Variants in MARCHF8 observed in about 807,000 individuals in gnomAD.
MARCHF8 encodes E3 ubiquitin-protein ligase MARCHF8.
Under a neutral mutation model 51.6 loss-of-function variants are expected in MARCHF8, and 40 were observed. The observed-to-expected ratio is 0.77, with a 90% CI of 0.60 to 1.01. The LOEUF is 1.01. MARCHF8 is among the 50% of genes least tolerant of loss of function. The pLI is 0.00. For missense variants in MARCHF8, 685 were observed against 708.6 expected (o/e 0.97, Z 0.38); for synonymous variants, 263 against 280.3 (o/e 0.94, Z 0.62).
chr10:45,519,412 G>A (rs2043671278), intron 2 of MARCHF8, among the ~76,000 whole-genome samples: 1 of 151,254 alleles, frequency 6.6e-6, no homozygotes, highest in Non-Finnish European at 1.5e-5. Flanking sequence ...GAAGGTTTGG[G>A]AAGTCAGTAA....
intron 1 of MARCHF8, among the ~76,000 whole-genome samples, chr10:45,592,465 G>T (rs920332482): frequency 1.3e-5 from 2 of 152,000 alleles, no homozygotes; most frequent in Admixed American, 1.3e-4. Context: ...TGTCTTTTAC[G>T]GGGGGGAAAA....
chr10:45,503,275 C>T (rs891610381), intron 2 of MARCHF8, among the ~76,000 whole-genome samples: 2 of 152,172 alleles, frequency 1.3e-5, no homozygotes, highest in African/African-American at 4.8e-5. Flanking sequence ...CGGTGGCTCA[C>T]ACCTGTAATC....
chr10:45,563,823 T>A (rs1021054902), intron 1 of MARCHF8, among the ~76,000 whole-genome samples: 2 of 152,074 alleles, frequency 1.3e-5, no homozygotes, highest in African/African-American at 2.4e-5. Context: ...GCACAAAAAG[T>A]TTAAAGTGAG....
intron 1 of MARCHF8, among the ~76,000 whole-genome samples, chr10:45,549,103 G>GA (rs1256970234): frequency 2.0e-5 from 3 of 152,206 alleles, no homozygotes; most frequent in Non-Finnish European, 4.4e-5. Context: ...TATAGATAAC[G>GA]AAAGGGGGAT....
At chr10:45,550,685 G>A (rs1001952654) in intron 1 of MARCHF8, among the ~76,000 whole-genome samples, 1 of 151,642 alleles carries the variant, frequency 6.6e-6, no homozygotes, top group Non-Finnish European at 1.5e-5. Context: ...TACATGCCAT[G>A]TACAACCTTA....
intron 3 of MARCHF8, among the ~76,000 whole-genome samples, chr10:45,466,181 T>C (rs1273138989): frequency 6.6e-6 from 1 of 152,222 alleles, no homozygotes; most frequent in Non-Finnish European, 1.5e-5. Context: ...TTACTGTTTA[T>C]ACCACAGGGG....
upstream of MARCHF8, among the ~76,000 whole-genome samples, chr10:45,536,721 G>A (rs1257949566): frequency 6.6e-6 from 1 of 151,720 alleles, no homozygotes; most frequent in Non-Finnish European, 1.5e-5. Context: ...AAGGCCAGGT[G>A]CAAGTAGCTC....
chr10:45,532,713 A>G (rs1332475563), intron 2 of MARCHF8, among the ~76,000 whole-genome samples: 3 of 152,198 alleles, frequency 2.0e-5, no homozygotes, highest in Non-Finnish European at 4.4e-5. Flanking sequence ...CACCCAGGCT[A>G]TGGCATTTTG....
At chr10:45,526,331 G>A (rs558360837) in intron 2 of MARCHF8, among the ~76,000 whole-genome samples, 1 of 152,304 alleles carries the variant, frequency 6.6e-6, no homozygotes, top group African/African-American at 2.4e-5. Flanking sequence ...CTAGATGCTG[G>A]GAAAGGGTAG....
upstream of MARCHF8, among the ~76,000 whole-genome samples, chr10:45,538,579 G>A (rs1398474257): frequency 5.9e-5 from 9 of 152,136 alleles, no homozygotes; most frequent in African/African-American, 7.2e-5. Flanking sequence ...CCCATCTCAC[G>A]TGTAGAGACA....
rs1406906890 is a variant in MARCHF8, at chr10:45,457,471, A to T, written c.*768T>A. 1 of 152,542 alleles carries T rather than the reference A, an allele frequency of 6.6e-6. No individual in the cohort carries two copies. The highest frequency in any genetic ancestry group is 2.4e-5 in the African/African-American group (1 of 41,436). The allele number at this position is 152,542 out of a possible 1,614,324, so 9.4% of individuals were successfully genotyped here. On this transcript the variant is annotated 3_prime_UTR_variant, in exon 8 of 8. Transcript: ENST00000453424. Reference sequence around the variant, plus strand: ...GCCTGCTTGTCCTGTCTTAAAAGTCATGAGTCTGTTTTATGAACAGAAAGA... The same window carrying T: ...GCCTGCTTGTCCTGTCTTAAAAGTCTTGAGTCTGTTTTATGAACAGAAAGA...
intron 3 of MARCHF8, among the ~76,000 whole-genome samples, chr10:45,474,084 C>T (rs890227361): frequency 2.6e-5 from 4 of 152,180 alleles, no homozygotes; most frequent in Admixed American, 1.3e-4. Flanking sequence ...TAGAGGTCTG[C>T]GTACTTCCCT....
intron 2 of MARCHF8, among the ~76,000 whole-genome samples, chr10:45,512,279 G>A (rs1019128550): frequency 3.3e-5 from 5 of 149,558 alleles, no homozygotes; most frequent in African/African-American, 7.4e-5. Context: ...GAGCCCCTAC[G>A]CCCGGCAGCC....
chr10:45,465,268 A>C (rs926122521), intron 3 of MARCHF8, among the ~76,000 whole-genome samples: 3 of 152,186 alleles, frequency 2.0e-5, no homozygotes, highest in Admixed American at 6.5e-5. Context: ...AGTAAGCCTG[A>C]GTAAGAATCT....
At chr10:45,546,885 G>A (rs1263114417) in intron 1 of MARCHF8, among the ~76,000 whole-genome samples, 3 of 151,906 alleles carry the variant, frequency 2.0e-5, no homozygotes, top group Non-Finnish European at 4.4e-5. Context: ...AGTTTATCCA[G>A]AAACAAAAGA....
At chr10:45,526,788 T>C (rs2043801519) in intron 2 of MARCHF8, among the ~76,000 whole-genome samples, 2 of 152,054 alleles carry the variant, frequency 1.3e-5, no homozygotes, top group Admixed American at 6.5e-5. Flanking sequence ...CAGATGTTTA[T>C]ATAACAAGCT....
intron 1 of MARCHF8, among the ~76,000 whole-genome samples, chr10:45,556,452 A>T (rs1424407536): frequency 6.6e-6 from 1 of 152,230 alleles, no homozygotes; most frequent in African/African-American, 2.4e-5. Context: ...TAAAGAAACA[A>T]AAGACGCTAT....
intron 1 of MARCHF8, among the ~76,000 whole-genome samples, chr10:45,543,026 T>C (rs562108720): frequency 6.6e-5 from 10 of 152,356 alleles, no homozygotes; most frequent in African/African-American, 2.4e-4. Context: ...TCACTTTCTA[T>C]ACACATTTCA....
chr10:45,534,909 A>C (rs905733425), intron 1 of MARCHF8, among the ~76,000 whole-genome samples: 9 of 152,230 alleles, frequency 5.9e-5, no homozygotes, highest in Non-Finnish European at 1.0e-4. Context: ...CTTCCTTCAC[A>C]CAACTCTAGA....
Sources: allele counts gnomAD v4.1 joint callset (sites outside exome capture counted in the v4.1 genomes callset), GRCh38; gene constraint gnomAD v4.1.1; transcripts MANE v1.5; gene names NCBI Gene and HGNC (gene_info 2026-07-23, HGNC 2026-07-21).